CNTNAP5: variants seen among roughly 807,000 people sequenced by gnomAD.
The protein encoded by CNTNAP5 is contactin associated protein family member 5, also known as contactin-associated protein-like 5.
Under a neutral mutation model 150.2 loss-of-function variants are expected in CNTNAP5, and 72 were observed. That is an observed-to-expected ratio of 0.48 (90% CI 0.40 to 0.58). The LOEUF (loss-of-function observed/expected upper bound fraction) is 0.58, where lower values mean the gene tolerates loss of function less well. Ranked by LOEUF, CNTNAP5 falls within the 20% of genes least tolerant of loss-of-function variation. CNTNAP5 has a pLI of 0.00. For missense variants in CNTNAP5, 1,636 were observed against 1,626.2 expected, an observed-to-expected ratio of 1.01 and a Z score of -0.10; for synonymous variants, 672 against 619.8, an observed-to-expected ratio of 1.08 and a Z score of -1.25.
At chr2:124,451,230 T>G (rs1332071670) in intron 6 of CNTNAP5, among the ~76,000 whole-genome samples, 1 of 150,818 alleles carries the variant, frequency 6.6e-6, no homozygotes, top group Non-Finnish European at 1.5e-5. Context: ...TCAATGAAAA[T>G]TCTTAGTCAA....
At chr2:124,246,889 G>A (rs887808041) in intron 3 of CNTNAP5, among the ~76,000 whole-genome samples, 1 of 151,888 alleles carries the variant, frequency 6.6e-6, no homozygotes, top group Non-Finnish European at 1.5e-5. Flanking sequence ...TTAAAATTAT[G>A]TTGCCTCTCC....
At chr2:124,377,141 G>A (rs1690667870) in intron 3 of CNTNAP5, among the ~76,000 whole-genome samples, 1 of 152,082 alleles carries the variant, frequency 6.6e-6, no homozygotes, top group South Asian at 2.1e-4. Flanking sequence ...CTAAGGTTTT[G>A]GATGAGAATG....
chr2:124,829,695 A>G (rs1682672658), intron 19 of CNTNAP5, among the ~76,000 whole-genome samples: 1 of 151,874 alleles, frequency 6.6e-6, no homozygotes, highest in African/African-American at 2.4e-5. Flanking sequence ...TAGTATCCAT[A>G]TTTATTATTA....
At chr2:124,305,942 A>G (rs767030160) in intron 3 of CNTNAP5, among the ~76,000 whole-genome samples, 2 of 152,188 alleles carry the variant, frequency 1.3e-5, no homozygotes, top group African/African-American at 2.4e-5. Context: ...ATTTGCCTAT[A>G]TATGTCTCTG....
In CNTNAP5 at chr2:124,718,150, C is replaced by T. The variant is rs549172426; in HGVS notation, c.2078-29079C>T. 3.9e-4 allele frequency among the ~76,000 whole-genome samples: 59 copies of T among 152,290 alleles called. 1 individual carries two copies. The highest frequency in any genetic ancestry group is 1.4e-3 in the African/African-American group (57 of 41,564). ...TGATTTTGCCTACATGTCCAACTTT[C>T]TACTCCATTCTTACCAAATGAGATG... On this transcript the variant is annotated intron_variant, in intron 13 of 23. Transcript: ENST00000682447.
intron 19 of CNTNAP5, among the ~76,000 whole-genome samples, chr2:124,833,355 C>T (rs564219820): frequency 2.8e-4 from 43 of 152,216 alleles, no homozygotes; most frequent in Non-Finnish European, 5.7e-4. Context: ...TAGTCATCTG[C>T]AAATGTGGAG....
chr2:124,582,018 A>T (rs1328398419), intron 11 of CNTNAP5, among the ~76,000 whole-genome samples: 5 of 152,210 alleles, frequency 3.3e-5, no homozygotes, highest in Non-Finnish European at 7.3e-5. Flanking sequence ...ACAGATGGTG[A>T]AATCTCTCTC....
rs898384575 is a variant in CNTNAP5 at position 124,352,124 on chromosome 2, G to A, written c.382-65319G>A. On this transcript the variant is annotated intron_variant, in intron 3 of 23. Transcript: ENST00000682447. ...GCTTTTGGGTACACAAACAGGACAG[G>A]CACACAAGATAATTATCTGCTACAA... Among the ~76,000 whole-genome samples the A allele has an allele frequency of 4.6e-5, 7 of 151,832 alleles. No homozygotes were observed. In the South Asian group the frequency reaches 1.5e-3, roughly 32 times the overall value.
intron 12 of CNTNAP5, among the ~76,000 whole-genome samples, chr2:124,618,273 AAGAT>A (rs921547533): frequency 6.6e-6 from 1 of 152,150 alleles, no homozygotes; most frequent in Non-Finnish European, 1.5e-5. Flanking sequence ...ATTAAAAAAA[AAGAT>A]GAGCAACAGA....
chr2:124,263,097 C>T (rs1384584835), intron 3 of CNTNAP5, among the ~76,000 whole-genome samples: 1 of 152,044 alleles, frequency 6.6e-6, no homozygotes, highest in East Asian at 1.9e-4. Context: ...GTGAATAGTG[C>T]CACAATAAAC....
At chr2:124,217,016 A>G (rs538052317) in intron 1 of CNTNAP5, among the ~76,000 whole-genome samples, 7 of 152,284 alleles carry the variant, frequency 4.6e-5, no homozygotes, top group Admixed American at 2.6e-4. Flanking sequence ...ACAGTGTAAA[A>G]GTGTTCCTAT....
intron 3 of CNTNAP5, among the ~76,000 whole-genome samples, chr2:124,278,919 C>T (rs369008897): frequency 6.6e-6 from 1 of 152,094 alleles, no homozygotes; most frequent in East Asian, 1.9e-4. Context: ...CTTGTTTATA[C>T]ATCAGTTTAG....
intron 12 of CNTNAP5, among the ~76,000 whole-genome samples, chr2:124,629,203 A>G (rs1361803852): frequency 6.6e-6 from 1 of 152,180 alleles, no homozygotes; most frequent in African/African-American, 2.4e-5. Context: ...CTCTAGGCCA[A>G]GTGGACCTGA....
intron 1 of CNTNAP5, among the ~76,000 whole-genome samples, chr2:124,035,988 A>G (rs371519026): frequency 9.8e-5 from 13 of 132,958 alleles, no homozygotes; most frequent in Admixed American, 2.7e-4. Context: ...GCAGTGGCGC[A>G]ATCTCGGCTC....
chr2:124,455,049 G>A (rs1693085944), intron 6 of CNTNAP5, among the ~76,000 whole-genome samples: 2 of 151,798 alleles, frequency 1.3e-5, no homozygotes, highest in Non-Finnish European at 2.9e-5. Flanking sequence ...AAAGATCAGA[G>A]CAGAAATAAA....
At chr2:124,590,969 C>G (rs149884461) in intron 11 of CNTNAP5, among the ~76,000 whole-genome samples, 5 of 152,242 alleles carry the variant, frequency 3.3e-5, no homozygotes, top group Admixed American at 3.3e-4. Flanking sequence ...AATTAGCTGC[C>G]AGAACTATAT....
intron 13 of CNTNAP5, among the ~76,000 whole-genome samples, chr2:124,713,163 C>T (rs140357463): frequency 7.1e-4 from 100 of 140,024 alleles, no homozygotes; most frequent in African/African-American, 2.1e-3. Flanking sequence ...TTCCTCCCTC[C>T]CTCCCTCTCT....
chr2:124,689,841 A>G (rs1465216687), intron 13 of CNTNAP5, among the ~76,000 whole-genome samples: 1 of 152,036 alleles, frequency 6.6e-6, no homozygotes, highest in East Asian at 1.9e-4. Context: ...TAAAATTAGC[A>G]TTACTTCTTT....
intron 1 of CNTNAP5, among the ~76,000 whole-genome samples, chr2:124,077,648 AT>A (rs1401114167): frequency 6.6e-6 from 1 of 152,158 alleles, no homozygotes; most frequent in African/African-American, 2.4e-5. Flanking sequence ...TTTAATTTTT[AT>A]TTAGTTTTCT....
Sources: allele counts gnomAD v4.1 joint callset (sites outside exome capture counted in the v4.1 genomes callset), GRCh38; gene constraint gnomAD v4.1.1; transcripts MANE v1.5; gene names NCBI Gene and HGNC (gene_info 2026-07-23, HGNC 2026-07-21).